Variants in HOMER1 observed in about 807,000 individuals in gnomAD.
HOMER1 encodes the protein homer scaffold protein 1, also known as homer protein homolog 1.
HOMER1 carries 3 observed loss-of-function variants against 48.9 expected under a neutral mutation model. That is an observed-to-expected ratio of 0.06 (90% CI 0.03 to 0.16). The LOEUF is 0.16. Among genes scored for constraint, HOMER1 ranks in the 10% least tolerant of loss-of-function variants. The pLI is 1.00. For synonymous variants in HOMER1, 134 were observed against 146.4 expected (o/e 0.92, Z 0.61); for missense variants, 247 against 411.4 (o/e 0.60, Z 3.46).
At position 79,405,606 on chromosome 5, in the gene HOMER1, T is replaced by A. The variant is rs76478916; in HGVS notation, c.528-3551A>T. Among the ~76,000 whole-genome samples, 1,130 of 152,316 alleles carry A rather than the reference T, an allele frequency of 7.4e-3. 10 individuals carry two copies. The highest frequency in any genetic ancestry group is 0.024 in the African/African-American group (1,009 of 41,566). ...ATCAGATTGCATTTTTTCCTTTCAT[T>A]GATTCAAGTTTTCTCCAACAAGTAT... On this transcript the variant is annotated intron_variant, in intron 5 of 8. Transcript: ENST00000334082.
chr5:79,442,616 G>A (rs1750764953), intron 4 of HOMER1, among the ~76,000 whole-genome samples: 1 of 152,150 alleles, frequency 6.6e-6, no homozygotes, highest in Non-Finnish European at 1.5e-5. Context: ...TCCCATTACA[G>A]TTTCAACCTT....
chr5:79,375,434 T>C lies in HOMER1; in HGVS notation c.*575A>G, dbSNP rs1748745104. The C allele has an allele frequency of 6.6e-6, 1 of 152,086 alleles. No individual in the cohort carries two copies. Among genetic ancestry groups the C allele is most frequent in the South Asian group, 2.1e-4 (1 of 4,826 alleles). 9.4% of individuals were successfully genotyped at this position (152,086 alleles called of 1,614,324 possible). A position where few individuals can be genotyped will look rare whatever the true frequency, so the allele number is the denominator to read the frequency against. On this transcript the variant is annotated 3_prime_UTR_variant, in exon 9 of 9. Transcript: ENST00000334082. Reference sequence around the variant, plus strand: ...CAGCACAAAAAAGGGAAGAACTCTATACACCCAGTTATAGTATATTTCAAT... The same window carrying C: ...CAGCACAAAAAAGGGAAGAACTCTACACACCCAGTTATAGTATATTTCAAT...
intron 5 of HOMER1, among the ~76,000 whole-genome samples, chr5:79,429,800 G>C (rs891578108): frequency 6.6e-6 from 1 of 152,164 alleles, no homozygotes; most frequent in African/African-American, 2.4e-5. Context: ...GAGGCAGGTG[G>C]ATCACGAGGT....
chr5:79,439,529 G>A (rs962964944), intron 4 of HOMER1, among the ~76,000 whole-genome samples: 3 of 152,098 alleles, frequency 2.0e-5, no homozygotes, highest in African/African-American at 7.2e-5. Context: ...AAAAATGCAA[G>A]AAGATGTGAT....
chr5:79,444,560 A>T (rs1159696386), intron 4 of HOMER1, among the ~76,000 whole-genome samples: 1 of 152,212 alleles, frequency 6.6e-6, no homozygotes, highest in African/African-American at 2.4e-5. Flanking sequence ...CTTTAATCAA[A>T]GCAGAGGCTT....
At chr5:79,442,437 A>G (rs1396789987) in intron 4 of HOMER1, among the ~76,000 whole-genome samples, 1 of 152,232 alleles carries the variant, frequency 6.6e-6, no homozygotes, top group Non-Finnish European at 1.5e-5. Flanking sequence ...ACACATGGAA[A>G]AAAGTTGACC....
intron 5 of HOMER1, among the ~76,000 whole-genome samples, chr5:79,430,538 A>C (rs921737887): frequency 2.0e-5 from 3 of 152,240 alleles, no homozygotes; most frequent in Non-Finnish European, 4.4e-5. Flanking sequence ...GAAAACATAC[A>C]TCTGCACAAA....
chr5:79,453,999 T>C (rs1272413555), intron 2 of HOMER1, among the ~76,000 whole-genome samples: 1 of 152,196 alleles, frequency 6.6e-6, no homozygotes, highest in Non-Finnish European at 1.5e-5. Flanking sequence ...AATATAACTC[T>C]GCTACAGAAG....
chr5:79,424,286 C>T (rs1750182733), intron 5 of HOMER1, among the ~76,000 whole-genome samples: 1 of 151,838 alleles, frequency 6.6e-6, no homozygotes, highest in African/African-American at 2.4e-5. Context: ...TGTTAGATTC[C>T]AGAAGAGGTA....
intron 1 of HOMER1, among the ~76,000 whole-genome samples, chr5:79,498,382 G>A (rs1752484151): frequency 6.6e-6 from 1 of 152,176 alleles, no homozygotes; most frequent in Non-Finnish European, 1.5e-5. Flanking sequence ...GGCAACAAGA[G>A]TGAAACTATG....
intron 5 of HOMER1, among the ~76,000 whole-genome samples, chr5:79,416,166 A>G (rs1388475877): frequency 6.6e-6 from 1 of 152,242 alleles, no homozygotes; most frequent in Non-Finnish European, 1.5e-5. Flanking sequence ...AAAGAACAGA[A>G]ATAATTTAAA....
rs1315821861 is a variant in HOMER1 at position 79,373,849 on chromosome 5, T to G, written c.*2160A>C. 6.6e-6 allele frequency: 1 copy of G among 151,984 alleles called. No homozygotes were observed. Among genetic ancestry groups the G allele is most frequent in the African/African-American group, 2.4e-5 (1 of 41,442 alleles). 9.4% of individuals were successfully genotyped at this position (151,984 alleles called of 1,614,324 possible). A position where few individuals can be genotyped will look rare whatever the true frequency, so the allele number is the denominator to read the frequency against. Reference sequence around the variant, plus strand: ...CAGTAGGAAAGTATTAAAAATAATTTTCTGTATATACATATGGGTATATGT... The same window carrying G: ...CAGTAGGAAAGTATTAAAAATAATTGTCTGTATATACATATGGGTATATGT... On this transcript the variant is annotated 3_prime_UTR_variant, in exon 9 of 9. Coordinates refer to ENST00000334082, the MANE Select transcript of HOMER1 (RefSeq NM_004272.5).
At chr5:79,382,714 T>C (rs1223438956) in intron 8 of HOMER1, among the ~76,000 whole-genome samples, 4 of 152,044 alleles carry the variant, frequency 2.6e-5, no homozygotes, top group Non-Finnish European at 5.9e-5. Context: ...TGAGAGCACA[T>C]GAAAGTATAA....
chr5:79,391,471 G>A (rs1356928476), intron 8 of HOMER1, among the ~76,000 whole-genome samples: 2 of 151,696 alleles, frequency 1.3e-5, no homozygotes, highest in East Asian at 3.9e-4. Flanking sequence ...AAGGCCAGGT[G>A]CAGTGGCTCA....
At chr5:79,484,013 T>C (rs1333569879) in intron 1 of HOMER1, among the ~76,000 whole-genome samples, 1 of 127,140 alleles carries the variant, frequency 7.9e-6, no homozygotes, top group Non-Finnish European at 1.5e-5. Flanking sequence ...GCCACTGCAC[T>C]CCAGCCTGGG....
chr5:79,444,966 T>C (rs2112284483), intron 4 of HOMER1, among the ~76,000 whole-genome samples: 1 of 152,232 alleles, frequency 6.6e-6, no homozygotes, highest in East Asian at 1.9e-4. Flanking sequence ...TTGGCTTCAA[T>C]CCAGAGTACA....
At position 79,511,069 on chromosome 5, in the gene HOMER1, C is replaced by A. The variant is rs183191895; in HGVS notation, c.5+1701G>T. On this transcript the variant is annotated intron_variant, in intron 1 of 8. Transcript: ENST00000334082. The stretch of plus-strand genomic sequence containing the variant: ...CTTGGTAAAATGACAGGCATTCATG[C>A]AGCTTAAAGGTTCTGGAAAACTGAT... 9.4e-4 allele frequency: 261 copies of A among 277,754 alleles called. 3 individuals are homozygous for A. The highest frequency in any genetic ancestry group is 4.0e-3 in the African/African-American group (181 of 45,518). The allele number at this position is 277,754 out of a possible 1,614,324, so 17.2% of individuals were successfully genotyped here.
chr5:79,502,706 C>T (rs912663763), intron 1 of HOMER1, among the ~76,000 whole-genome samples: 2 of 152,224 alleles, frequency 1.3e-5, no homozygotes, highest in African/African-American at 4.8e-5. Flanking sequence ...CTAGATTTTA[C>T]ACTGACTACT....
intron 4 of HOMER1, among the ~76,000 whole-genome samples, chr5:79,440,511 T>C (rs1258899506): frequency 6.6e-6 from 1 of 152,248 alleles, no homozygotes; most frequent in Non-Finnish European, 1.5e-5. Flanking sequence ...TTCATTTTTA[T>C]TAAATATTTC....
Sources: gnomAD v4.1 joint callset for allele counts (sites outside exome capture counted in the v4.1 genomes callset) on GRCh38, gnomAD v4.1.1 for gene constraint, MANE v1.5 for transcripts, NCBI Gene and HGNC (gene_info 2026-07-23, HGNC 2026-07-21) for gene names.